Variants in WWOX observed in about 807,000 individuals in gnomAD.
The protein encoded by WWOX is WW domain containing oxidoreductase.
In WWOX, 69 loss-of-function variants were observed where a neutral mutation model predicts 46.2. That is an observed-to-expected ratio of 1.49 (90% confidence interval 1.23 to 1.82). WWOX has a LOEUF of 1.82. Ranked by LOEUF, WWOX falls within the 40% of genes most tolerant of loss-of-function variation. The pLI is 0.00. For synonymous variants in WWOX, 359 were observed against 202.6 expected, an observed-to-expected ratio of 1.77 and a Z score of -6.56; for missense variants, 919 against 542.6, an observed-to-expected ratio of 1.69 and a Z score of -6.89.
chr16:78,147,696 T>A (rs980844421), intron 4 of WWOX, among the ~76,000 whole-genome samples: 91 of 104,886 alleles, frequency 8.7e-4, no homozygotes, highest in Middle Eastern at 5.7e-3. Flanking sequence ...TTTTTTTTTT[T>A]AAAAAAAAAA....
At chr16:78,934,484 G>C (rs1245175466) in intron 8 of WWOX, among the ~76,000 whole-genome samples, 1 of 145,914 alleles carries the variant, frequency 6.9e-6, no homozygotes. Flanking sequence ...ACTGCAGCCT[G>C]GGCAACAGTG....
chr16:78,353,627 T>C (rs1168507104), intron 5 of WWOX, among the ~76,000 whole-genome samples: 6 of 152,262 alleles, frequency 3.9e-5, no homozygotes, highest in Non-Finnish European at 8.8e-5. Context: ...TAATTAGTAT[T>C]ATCTTTGCCA....
intron 8 of WWOX, among the ~76,000 whole-genome samples, chr16:78,925,022 C>T (rs1360225515): frequency 6.6e-6 from 1 of 152,066 alleles, no homozygotes; most frequent in Admixed American, 6.6e-5. Context: ...TGGCAAAACC[C>T]TGTCTCTACA....
intron 8 of WWOX, among the ~76,000 whole-genome samples, chr16:79,173,607 A>G (rs1190869382): frequency 6.6e-6 from 1 of 152,126 alleles, no homozygotes; most frequent in South Asian, 2.1e-4. Flanking sequence ...ACTATTTCCT[A>G]TCAAATAAAG....
intron 8 of WWOX, among the ~76,000 whole-genome samples, chr16:79,186,570 C>G (rs536493493): frequency 8.5e-5 from 13 of 152,308 alleles, no homozygotes; most frequent in Admixed American, 5.2e-4. Flanking sequence ...ACTCTGTATT[C>G]CAATCTAATT....
chr16:78,373,612 C>G (rs2081747791), intron 5 of WWOX, among the ~76,000 whole-genome samples: 2 of 151,138 alleles, frequency 1.3e-5, no homozygotes, highest in South Asian at 2.1e-4. Flanking sequence ...TGCAGTGTAT[C>G]TTTTTTAAAC....
chr16:79,133,673 A>C (rs1040757427), intron 8 of WWOX, among the ~76,000 whole-genome samples: 4 of 152,202 alleles, frequency 2.6e-5, no homozygotes, highest in South Asian at 2.1e-4. Flanking sequence ...GGTGGCCTGC[A>C]CTGGGGAGTT....
intron 8 of WWOX, among the ~76,000 whole-genome samples, chr16:78,667,765 T>G (rs1291939369): frequency 6.6e-6 from 1 of 152,056 alleles, no homozygotes; most frequent in African/African-American, 2.4e-5. Flanking sequence ...TGAACTCATT[T>G]GAGAGCTCTC....
intron 8 of WWOX, among the ~76,000 whole-genome samples, chr16:78,813,191 A>G (rs1234520035): frequency 6.7e-6 from 1 of 150,246 alleles, no homozygotes; most frequent in Admixed American, 6.6e-5. Context: ...ATTGCTTCTG[A>G]TTTTTGTTGT....
intron 8 of WWOX, among the ~76,000 whole-genome samples, chr16:79,007,613 A>G (rs987952276): frequency 5.9e-5 from 9 of 152,216 alleles, no homozygotes; most frequent in African/African-American, 1.9e-4. Flanking sequence ...GCAGAAGCTA[A>G]GCACTTTAAA....
In WWOX at chr16:78,735,392, C is replaced by G. The variant is rs564760030; in HGVS notation, c.1056+302640C>G. On this transcript the variant is annotated intron_variant, in intron 8 of 8. Transcript: ENST00000566780. ...TAAGAGATGTCATACACACCACACA[C>G]AAACACACACACACACACACACACA... Among the ~76,000 whole-genome samples, 40 of 142,392 alleles carry G rather than the reference C, an allele frequency of 2.8e-4. No individual in the cohort carries two copies. In the East Asian group the frequency reaches 6.0e-3, roughly 21 times the overall value. 93.4% of individuals were successfully genotyped at this position (142,392 alleles called of 152,430 possible).
intron 5 of WWOX, among the ~76,000 whole-genome samples, chr16:78,201,312 G>T (rs193187087): frequency 6.6e-6 from 1 of 152,276 alleles, no homozygotes; most frequent in Admixed American, 6.5e-5. Flanking sequence ...GAAAGGCTAA[G>T]GTTGTATTGA....
In WWOX at chr16:78,510,291, C is replaced by T. The variant is rs60292297; in HGVS notation, c.1056+77539C>T. Reference sequence around the variant, plus strand: ...CGCGATCTCCACTCACCGCAAGCTCCGCCTCCTGAGTTCAACTGATTCTCC... The same window carrying T: ...CGCGATCTCCACTCACCGCAAGCTCTGCCTCCTGAGTTCAACTGATTCTCC... On this transcript the variant is annotated intron_variant, in intron 8 of 8. Transcript: ENST00000566780. Among the ~76,000 whole-genome samples, 6 of 152,244 alleles carry T rather than the reference C, an allele frequency of 3.9e-5. No homozygotes were observed. In the East Asian group the frequency reaches 5.8e-4, roughly 15 times the overall value.
At position 78,146,916 on chromosome 16, in the gene WWOX, G is replaced by A. The variant is rs531225733; in HGVS notation, c.410-17267G>A. Among the ~76,000 whole-genome samples, 17 of 152,230 alleles carry A rather than the reference G, an allele frequency of 1.1e-4. No homozygotes were observed. The South Asian group carries it at 3.1e-3, about 28-fold the overall frequency. ...CTAGCATTGCCCGTGCCTTCCACGC[G>A]GGACTGTTGTGGATATTTGACCACT... On this transcript the variant is annotated intron_variant, in intron 4 of 8. Coordinates refer to ENST00000566780, the MANE Select transcript of WWOX (RefSeq NM_016373.4).
intron 8 of WWOX, among the ~76,000 whole-genome samples, chr16:78,805,536 G>C (rs2051011558): frequency 6.6e-6 from 1 of 151,892 alleles, no homozygotes; most frequent in Non-Finnish European, 1.5e-5. Flanking sequence ...GCCCGCCTCA[G>C]CCTCCCAAAG....
chr16:79,176,712 C>T (rs2050807374), intron 8 of WWOX, among the ~76,000 whole-genome samples: 1 of 152,144 alleles, frequency 6.6e-6, no homozygotes, highest in African/African-American at 2.4e-5. Flanking sequence ...GAATACAAAA[C>T]ACCGAGGGCT....
At chr16:79,196,146 A>G (rs572667195) in intron 8 of WWOX, among the ~76,000 whole-genome samples, 1 of 152,370 alleles carries the variant, frequency 6.6e-6, no homozygotes, top group Admixed American at 6.5e-5. Flanking sequence ...AGTGTGAGCA[A>G]AAATCATCCT....
intron 8 of WWOX, among the ~76,000 whole-genome samples, chr16:78,768,527 T>TTGCA (rs1450082418): frequency 6.6e-6 from 1 of 151,658 alleles, no homozygotes; most frequent in Non-Finnish European, 1.5e-5. Flanking sequence ...GAGGCAAAGG[T>TTGCA]TGCAGTGAGC....
chr16:79,153,382 G>C (rs1364002000), intron 8 of WWOX, among the ~76,000 whole-genome samples: 1 of 152,146 alleles, frequency 6.6e-6, no homozygotes, highest in African/African-American at 2.4e-5. Context: ...GCCCTCCTCT[G>C]CTGTGGGTAC....
Sources: gnomAD v4.1 joint callset for allele counts (sites outside exome capture counted in the v4.1 genomes callset) on GRCh38, gnomAD v4.1.1 for gene constraint, MANE v1.5 for transcripts, NCBI Gene and HGNC (gene_info 2026-07-23, HGNC 2026-07-21) for gene names.